The following IFT70A variants were observed in gnomAD, a reference collection of about 807,000 sequenced individuals.
IFT70A encodes the protein intraflagellar transport 70A, also known as intraflagellar transport protein 70A.
the IFT70A span, chr2:177,616,354 G>A: frequency 7.5e-5 from 13 of 172,806 alleles, no homozygotes; most frequent in Non-Finnish European, 1.3e-4. Context: ...AAACATACCC[G>A]TACTAACAGT....
At chr2:177,617,509 T>C in the IFT70A span, 18 of 1,614,246 alleles carry the variant, frequency 1.1e-5, no homozygotes, top group Non-Finnish European at 1.4e-5. Flanking sequence ...TCTTGCTTCC[T>C]GTACTTGCTT....
chr2:177,618,124 T>C, the IFT70A span: 2 of 1,613,986 alleles, frequency 1.2e-6, no homozygotes, highest in Non-Finnish European at 1.7e-6. Context: ...CAAAGCCAGG[T>C]TGTAGGAAAG....
chr2:177,618,717 T>C, the IFT70A span: 1 of 1,533,228 alleles, frequency 6.5e-7, no homozygotes, highest in Non-Finnish European at 8.8e-7. Context: ...CCACGGCTGT[T>C]ATGCGTGCGG....
At chr2:177,618,486 G>T in the IFT70A span, 1 of 1,587,142 alleles carries the variant, frequency 6.3e-7, no homozygotes, top group Non-Finnish European at 8.6e-7. Flanking sequence ...GGTGCAGCTG[G>T]CCCAGCTGCT....
At chr2:177,617,703 A>G in the IFT70A span, 7 of 1,614,234 alleles carry the variant, frequency 4.3e-6, no homozygotes, top group East Asian at 2.2e-5. Context: ...CAAAATACTC[A>G]TATTTACAGT....
chr2:177,618,437 G>C, the IFT70A span: 1 of 1,607,326 alleles, frequency 6.2e-7, no homozygotes, highest in African/African-American at 1.3e-5. Context: ...GCCTTGTACA[G>C]GGCCTGGGCC....
At chr2:177,618,352 C>T in the IFT70A span, 124 of 1,613,292 alleles carry the variant, frequency 7.7e-5, no homozygotes, top group Admixed American at 2.3e-4. Context: ...AGCTTGCAGG[C>T]GGAGGACCCG....
At chr2:177,618,163 G>T in the IFT70A span, 1,486 of 1,614,274 alleles carry the variant, frequency 9.2e-4, no homozygotes, top group Non-Finnish European at 1.2e-3. Context: ...GGCCTGCAGT[G>T]TGGCAGAAAA....
At chr2:177,616,821 A>T in the IFT70A span, 1 of 1,601,718 alleles carries the variant, frequency 6.2e-7, no homozygotes, top group Non-Finnish European at 8.5e-7. Context: ...CAATAACAGC[A>T]GGTATGTTTG....
chr2:177,613,348 G>C, the IFT70A span: 1 of 152,186 alleles, frequency 6.6e-6, no homozygotes, highest in Non-Finnish European at 1.5e-5. Flanking sequence ...TCAGCAAAGT[G>C]TTGCTGTTAT....
the IFT70A span, chr2:177,617,666 T>C: frequency 6.2e-7 from 1 of 1,614,174 alleles, no homozygotes; most frequent in Non-Finnish European, 8.5e-7. Flanking sequence ...AAATGGGCAT[T>C]TTCTGCCAGG....
the IFT70A span, chr2:177,618,348 C>T: frequency 6.2e-7 from 1 of 1,613,470 alleles, no homozygotes; most frequent in Non-Finnish European, 8.5e-7. Flanking sequence ...TGGCAGCTTG[C>T]AGGCGGAGGA....
the IFT70A span, chr2:177,616,833 G>A: frequency 6.3e-7 from 1 of 1,599,814 alleles, no homozygotes; most frequent in Non-Finnish European, 8.5e-7. Context: ...GTATGTTTGT[G>A]CCATAAAGTT....
At chr2:177,616,908 T>G in the IFT70A span, 2 of 1,596,302 alleles carry the variant, frequency 1.3e-6, no homozygotes, top group Non-Finnish European at 1.7e-6. Flanking sequence ...TCATGTGTTT[T>G]GACATGTTTT....
At chr2:177,618,155 C>T in the IFT70A span, 1 of 1,614,222 alleles carries the variant, frequency 6.2e-7, no homozygotes, top group South Asian at 1.1e-5. Context: ...TAGCCCGAGG[C>T]CTGCAGTGTG....
At chr2:177,618,649 A>C in the IFT70A span, 10 of 1,607,592 alleles carry the variant, frequency 6.2e-6, no homozygotes, top group Non-Finnish European at 8.5e-6. Context: ...GAGCCGGTAC[A>C]CTAGCGCGGT....
the IFT70A span, chr2:177,613,066 T>C: frequency 6.6e-6 from 1 of 152,272 alleles, no homozygotes; most frequent in African/African-American, 2.4e-5. Context: ...CATTTCATTA[T>C]AGATCTTATA....
the IFT70A span, chr2:177,618,506 C>T: frequency 1.9e-6 from 3 of 1,584,948 alleles, no homozygotes; most frequent in Non-Finnish European, 2.6e-6. Context: ...TCATAGCACT[C>T]GGCCGCCAGC....
chr2:177,616,642 C>A, the IFT70A span: 1 of 1,371,016 alleles, frequency 7.3e-7, no homozygotes, highest in African/African-American at 1.5e-5. Flanking sequence ...AGGCTAAATA[C>A]AGATAAAAAA....
Sources: gnomAD v4.1 joint callset for allele counts on GRCh38, gnomAD v4.1.1 for gene constraint, MANE v1.5 for transcripts, NCBI Gene and HGNC (gene_info 2026-07-23, HGNC 2026-07-21) for gene names.